The following PDE10A variants were observed in gnomAD, a reference collection of about 807,000 sequenced individuals.
PDE10A encodes phosphodiesterase 10A, also known as cAMP and cAMP-inhibited cGMP 3',5'-cyclic phosphodiesterase 10A.
PDE10A carries 39 observed loss-of-function variants against 97.7 expected under a neutral mutation model. That is an observed-to-expected ratio of 0.40 (90% CI 0.31 to 0.52). The LOEUF is 0.52. Among genes scored for constraint, PDE10A ranks in the 20% least tolerant of loss-of-function variants. The pLI is 0.56. For missense variants in PDE10A, 731 were observed against 1,047.8 expected (o/e 0.70, Z 4.17); for synonymous variants, 371 against 376.8 (o/e 0.98, Z 0.18).
chr6:165,656,044 T>C (rs192110547), intron 1 of PDE10A, among the ~76,000 whole-genome samples: 1 of 152,148 alleles, frequency 6.6e-6, no homozygotes, highest in East Asian at 1.9e-4. Flanking sequence ...GCATTCGCTG[T>C]GCAGCTCTCT....
intron 1 of PDE10A, among the ~76,000 whole-genome samples, chr6:165,931,758 A>T (rs192549259): frequency 6.6e-6 from 1 of 152,218 alleles, no homozygotes; most frequent in East Asian, 1.9e-4. Context: ...TAAAACAAAG[A>T]CCCAGCTCTC....
chr6:165,830,314 G>C (rs764991011), intron 1 of PDE10A, among the ~76,000 whole-genome samples: 2 of 152,200 alleles, frequency 1.3e-5, no homozygotes, highest in African/African-American at 2.4e-5. Flanking sequence ...TCCTTTGCGT[G>C]GGAGCTGCGC....
intron 1 of PDE10A, among the ~76,000 whole-genome samples, chr6:165,596,381 A>G (rs948277206): frequency 6.6e-6 from 1 of 152,146 alleles, no homozygotes; most frequent in Non-Finnish European, 1.5e-5. Flanking sequence ...TCGGTTCTCA[A>G]TACAGTAGCC....
chr6:165,330,565 A>G lies in PDE10A; in HGVS notation c.*2460T>C, dbSNP rs928915983. On this transcript the variant is annotated 3_prime_UTR_variant, in exon 22 of 22. Coordinates refer to ENST00000539869, the MANE Select transcript of PDE10A (RefSeq NM_001385079.1). ...AGTCTTTTGTTCAAGCTGTGCTTCT[A>G]TTATGACAATATTTCACAAGAAATT... The G allele has an allele frequency of 1.3e-5, 2 of 152,208 alleles. No homozygotes were observed. Among genetic ancestry groups the G allele is most frequent in the African/African-American group, 4.8e-5 (2 of 41,472 alleles). 9.4% of individuals were successfully genotyped at this position (152,208 alleles called of 1,614,324 possible).
At chr6:165,371,868 G>C (rs1784275040) in intron 18 of PDE10A, among the ~76,000 whole-genome samples, 1 of 152,088 alleles carries the variant, frequency 6.6e-6, no homozygotes, top group African/African-American at 2.4e-5. Flanking sequence ...ACATCAAAAA[G>C]CTTATCCACC....
chr6:165,732,355 T>TG (rs1210261091), intron 1 of PDE10A, among the ~76,000 whole-genome samples: 1 of 152,074 alleles, frequency 6.6e-6, no homozygotes, highest in Non-Finnish European at 1.5e-5. Flanking sequence ...GCCCTAGAGG[T>TG]GGGGCAGACC....
At chr6:165,456,146 A>G (rs574222224) in intron 3 of PDE10A, among the ~76,000 whole-genome samples, 4 of 152,188 alleles carry the variant, frequency 2.6e-5, no homozygotes, top group African/African-American at 9.6e-5. Flanking sequence ...ACTTATTCCA[A>G]CCACTAGTTC....
intron 3 of PDE10A, among the ~76,000 whole-genome samples, chr6:165,452,033 G>A (rs539038850): frequency 3.3e-5 from 5 of 152,338 alleles, no homozygotes; most frequent in Admixed American, 1.3e-4. Context: ...GATGATGGGA[G>A]ACTAGTTTCG....
intron 1 of PDE10A, among the ~76,000 whole-genome samples, chr6:165,965,630 C>T (rs915481778): frequency 2.0e-5 from 3 of 152,206 alleles, no homozygotes; most frequent in Admixed American, 6.5e-5. Flanking sequence ...GGCTATTATG[C>T]TGCTCGGGAA....
At chr6:165,484,041 C>A (rs937629315) in intron 2 of PDE10A, among the ~76,000 whole-genome samples, 1 of 152,216 alleles carries the variant, frequency 6.6e-6, no homozygotes, top group Non-Finnish European at 1.5e-5. Flanking sequence ...AAATCAATGT[C>A]TCCAACTTAA....
At chr6:165,687,812 A>G (rs1791162515) in intron 1 of PDE10A, among the ~76,000 whole-genome samples, 1 of 152,166 alleles carries the variant, frequency 6.6e-6, no homozygotes, top group Non-Finnish European at 1.5e-5. Flanking sequence ...TTTGCCAGAC[A>G]TTATTTTAAG....
intron 18 of PDE10A, among the ~76,000 whole-genome samples, chr6:165,358,130 CT>C (rs1184051894): frequency 6.6e-6 from 1 of 151,978 alleles, no homozygotes; most frequent in African/African-American, 2.4e-5. Flanking sequence ...TTCCAGATAG[CT>C]TATCATTATT....
intron 1 of PDE10A, among the ~76,000 whole-genome samples, chr6:165,648,508 G>A (rs1329976718): frequency 6.6e-6 from 1 of 151,912 alleles, no homozygotes; most frequent in African/African-American, 2.4e-5. Context: ...AATGGCATTT[G>A]GAAAACGTTT....
intron 18 of PDE10A, among the ~76,000 whole-genome samples, chr6:165,377,429 A>G (rs1276852390): frequency 6.6e-6 from 1 of 152,184 alleles, no homozygotes; most frequent in Non-Finnish European, 1.5e-5. Flanking sequence ...CTTTCAATGC[A>G]TGTTTCAATG....
At chr6:165,439,258 T>C (rs1426307715) in intron 5 of PDE10A, among the ~76,000 whole-genome samples, 3 of 152,194 alleles carry the variant, frequency 2.0e-5, no homozygotes, top group South Asian at 4.1e-4. Context: ...AATTTATCTA[T>C]AATATCCAGT....
At chr6:165,872,732 T>G (rs1781237419) in intron 1 of PDE10A, among the ~76,000 whole-genome samples, 2 of 152,206 alleles carry the variant, frequency 1.3e-5, no homozygotes, top group South Asian at 4.1e-4. Flanking sequence ...AGGAAAGTGA[T>G]GAGTGCAACT....
intron 1 of PDE10A, chr6:165,987,508 G>T (rs1241945466): frequency 2.8e-6 from 1 of 359,984 alleles, no homozygotes; most frequent in African/African-American, 2.1e-5. Flanking sequence ...TAAATAATAG[G>T]TAAAAGAACT....
chr6:165,731,092 G>C (rs555702631), intron 1 of PDE10A, among the ~76,000 whole-genome samples: 8 of 152,252 alleles, frequency 5.3e-5, no homozygotes, highest in African/African-American at 1.9e-4. Flanking sequence ...CAGAACCCAC[G>C]CCCCATGCCG....
At chr6:165,894,800 T>C in intron 1 of PDE10A, 1 of 258,810 alleles carries the variant, frequency 3.9e-6, no homozygotes, top group Non-Finnish European at 7.8e-6. Context: ...TGTTCAAAGC[T>C]GCAAGCTGTC....
Sources: gnomAD v4.1 joint callset for allele counts (sites outside exome capture counted in the v4.1 genomes callset) on GRCh38, gnomAD v4.1.1 for gene constraint, MANE v1.5 for transcripts, NCBI Gene and HGNC (gene_info 2026-07-23, HGNC 2026-07-21) for gene names.